Variants in ADPRHL1 observed in about 807,000 individuals in gnomAD.
The protein encoded by ADPRHL1 is ADP-ribosylhydrolase like 1.
A neutral mutation model predicts 44.1 loss-of-function variants in ADPRHL1; 43 were observed. The observed-to-expected ratio is 0.98, with a 90% confidence interval of 0.76 to 1.26. ADPRHL1 has a LOEUF of 1.26. Ranked by LOEUF, ADPRHL1 falls within the 50% of genes most tolerant of loss-of-function variation. The probability of loss-of-function intolerance (pLI) is 0.00; values close to 1 mark genes in which losing one functional copy is unlikely to be tolerated. For synonymous variants in ADPRHL1, 878 were observed against 1,017.4 expected, an observed-to-expected ratio of 0.86 and a Z score of 2.61; for missense variants, 2,022 against 2,496.9, an observed-to-expected ratio of 0.81 and a Z score of 4.05.
chr13:113,408,819 T>G (rs941898154), intron 7 of ADPRHL1, among the ~76,000 whole-genome samples: 1 of 64,156 alleles, frequency 1.6e-5, no homozygotes, highest in Admixed American at 1.5e-4. Flanking sequence ...AGCACTGCAG[T>G]GGGCAGTGCC....
Position 113,453,312 on chromosome 13 carries a change from G to T in ADPRHL1, c.126C>A (p.Gly42=). 1 of 1,614,168 alleles carries T rather than the reference G, an allele frequency of 6.2e-7. No homozygotes were observed. Among genetic ancestry groups the T allele is most frequent in the South Asian group, 1.1e-5 (1 of 91,076 alleles). Reference sequence around the variant, plus strand: ...CTGGCGAGAGTACGAGGTGGTCCAGGCCCCCGGAACGTTGCAGCTCCTCCT... The same window carrying T: ...CTGGCGAGAGTACGAGGTGGTCCAGTCCCCCGGAACGTTGCAGCTCCTCCT... ...KIQEELQRSG[G]LDHLVLSPGE... is the part of the protein sequence containing the mutation. Residue 42 remains glycine (G), a synonymous_variant, in exon 1 of 8, where the codon GGC becomes GGA. Coordinates refer to ENST00000612156, the MANE Select transcript of ADPRHL1 (RefSeq NM_001394807.1). This position sits in a 1 kb window ranked among gnomAD's most constrained non-coding sequence, Gnocchi z 5.4.
rs893113840 is a variant in ADPRHL1 at position 113,422,884 on chromosome 13, C to T, written c.1003G>A (p.Asp335Asn). The change falls in exon 7 of 8, where the codon GAC becomes AAC. Residue 335 changes from aspartate (D) to asparagine (N), a missense_variant. By Grantham distance (23) the Asp-to-Asn change is conservative. Coordinates refer to ENST00000612156, the MANE Select transcript of ADPRHL1 (RefSeq NM_001394807.1). Reference protein sequence around the residue: ...VPKGLYQDLEDKEKLEDLGAA... With the variant: ...VPKGLYQDLENKEKLEDLGAA... ...CCCAGGTCCTCCAGCTTCTCCTTGT[C>T]CTCCAGGTCCTGGTACAAGCCTTTG... The T allele has an allele frequency of 2.5e-6, 4 of 1,612,854 alleles. No individual in the cohort carries two copies. The African/African-American group carries it at 4.0e-5, about 16-fold the overall frequency.
intron 7 of ADPRHL1, among the ~76,000 whole-genome samples, chr13:113,416,998 T>C (rs1209958251): frequency 6.6e-6 from 1 of 152,180 alleles, no homozygotes; most frequent in African/African-American, 2.4e-5. Context: ...GTGGGAGTTG[T>C]CGGAGCTAGT....
At chr13:113,446,264 G>A (rs2044137238) in intron 1 of ADPRHL1, among the ~76,000 whole-genome samples, 1 of 150,688 alleles carries the variant, frequency 6.6e-6, no homozygotes, top group African/African-American at 2.4e-5. Flanking sequence ...CAGAGAGAGT[G>A]CACAGGGCCC....
intron 7 of ADPRHL1, among the ~76,000 whole-genome samples, chr13:113,408,954 A>G (rs543554799): frequency 5.8e-4 from 83 of 142,602 alleles, no homozygotes; most frequent in Admixed American, 1.5e-3. Context: ...GAGGTTGCAG[A>G]GAGGGAGGAA....
In ADPRHL1 at chr13:113,399,821, G is replaced by T. The variant is rs2043742886; in HGVS notation, c.*3557C>A. On this transcript the variant is annotated 3_prime_UTR_variant, in exon 8 of 8. Coordinates refer to ENST00000612156, the MANE Select transcript of ADPRHL1 (RefSeq NM_001394807.1). ...CAACCGAAAGACCGTAACTCCAACA[G>T]CAGAGATACCCTGAGAACAGAATAA... The T allele has an allele frequency of 1.3e-5, 2 of 151,970 alleles. No individual in the cohort carries two copies. Among genetic ancestry groups the T allele is most frequent in the Admixed American group, 1.3e-4 (2 of 15,232 alleles). 9.4% of individuals were successfully genotyped at this position (151,970 alleles called of 1,614,324 possible).
At chr13:113,414,994 C>T (rs963586264) in intron 7 of ADPRHL1, among the ~76,000 whole-genome samples, 2 of 152,094 alleles carry the variant, frequency 1.3e-5, no homozygotes, top group African/African-American at 4.8e-5. Flanking sequence ...GTTTTTATGG[C>T]TGCTTGTTCT....
Position 113,446,733 on chromosome 13 carries a change from G to A in ADPRHL1, c.215-2144C>T, listed in dbSNP as rs145518111. ...TATTGTCATAAATGCATAGCATTGCGCTGTGTAAACACAGGGTGTTTACAT... is the reference window on the plus strand; with the variant it reads ...TATTGTCATAAATGCATAGCATTGCACTGTGTAAACACAGGGTGTTTACAT... On this transcript the variant is annotated intron_variant, in intron 1 of 7. Transcript: ENST00000612156. 3.5e-3 allele frequency among the ~76,000 whole-genome samples: 534 copies of A among 152,058 alleles called. 6 individuals are homozygous for A. The highest frequency in any genetic ancestry group is 9.7e-3 in the Admixed American group (149 of 15,288).
intron 7 of ADPRHL1, among the ~76,000 whole-genome samples, chr13:113,415,886 G>C (rs1316920204): frequency 6.6e-6 from 1 of 151,500 alleles, no homozygotes; most frequent in African/African-American, 2.4e-5. Context: ...ATCTATACTT[G>C]ATCTTAGCCC....
chr13:113,447,848 A>G (rs1271969954), intron 1 of ADPRHL1, among the ~76,000 whole-genome samples: 5 of 152,192 alleles, frequency 3.3e-5, no homozygotes, highest in East Asian at 1.9e-4. Context: ...GTCTAAACCC[A>G]GTGTGTGCCC....
chr13:113,416,466 G>A (rs58023372), intron 7 of ADPRHL1, among the ~76,000 whole-genome samples: 24,407 of 152,026 alleles, frequency 0.16, 2,199 homozygotes, highest in African/African-American at 0.24. Flanking sequence ...GGCCATAAGC[G>A]CTGGATGCTC....
chr13:113,434,074 G>A (rs2044028018), intron 2 of ADPRHL1, among the ~76,000 whole-genome samples: 1 of 152,178 alleles, frequency 6.6e-6, no homozygotes, highest in Admixed American at 6.5e-5. Context: ...TCCAAGTGTC[G>A]GGTGTTAGTC....
At chr13:113,429,214 G>C (rs538371900) in intron 3 of ADPRHL1, 122 bp from the exon 4 acceptor site, 1 of 1,329,132 alleles carries the variant, frequency 7.5e-7, no homozygotes, top group Admixed American at 2.1e-5. Context: ...TCTTTCCCAT[G>C]TTCAGGTGCA....
In ADPRHL1 at chr13:113,441,746, G is replaced by A; in HGVS notation, c.379+2679C>T. On this transcript the variant is annotated intron_variant, in intron 2 of 7. Coordinates refer to ENST00000612156, the MANE Select transcript of ADPRHL1 (RefSeq NM_001394807.1). This position sits in a 1 kb window ranked among gnomAD's most constrained non-coding sequence, Gnocchi z 6.0. ...TATCATGCCATGTCCCGCCACTTGG[G>A]TCCGTGTCTCTATCATGCTCCGCCC... is the stretch of plus-strand genomic sequence containing the variant. 6.6e-6 allele frequency among the ~76,000 whole-genome samples: 1 copy of A among 151,792 alleles called. No individual in the cohort carries two copies. Among genetic ancestry groups the A allele is most frequent in the Non-Finnish European group, 1.5e-5 (1 of 67,940 alleles).
At chr13:113,430,586 C>T (rs1044472096) in intron 3 of ADPRHL1, among the ~76,000 whole-genome samples, 4 of 151,930 alleles carry the variant, frequency 2.6e-5, no homozygotes, top group Admixed American at 1.3e-4. Context: ...CAGTGGTTGT[C>T]GTACTAGTGA....
At chr13:113,427,996 T>C (rs529032703) in intron 4 of ADPRHL1, among the ~76,000 whole-genome samples, 1 of 152,342 alleles carries the variant, frequency 6.6e-6, no homozygotes, top group Admixed American at 6.5e-5. Context: ...CCAGGCGAGG[T>C]GGCTCATGCC....
chr13:113,419,397 C>T (rs980814024), intron 7 of ADPRHL1, among the ~76,000 whole-genome samples: 3 of 151,132 alleles, frequency 2.0e-5, no homozygotes, highest in Non-Finnish European at 2.9e-5. Flanking sequence ...GATTACAAGC[C>T]TGAGCCACCT....
intron 4 of ADPRHL1, among the ~76,000 whole-genome samples, chr13:113,425,397 GCTTT>G (rs1410862662): frequency 1.2e-4 from 19 of 152,256 alleles, no homozygotes; most frequent in Non-Finnish European, 2.4e-4. Context: ...ATTTGTAGCT[GCTTT>G]CTTTCTTTCT....
intron 3 of ADPRHL1, among the ~76,000 whole-genome samples, chr13:113,433,079 G>C (rs534441195): frequency 6.7e-6 from 1 of 149,508 alleles, no homozygotes; most frequent in Non-Finnish European, 1.5e-5. Flanking sequence ...CGGAAGTGCC[G>C]TGTTAAGGGG....
Sources: allele counts gnomAD v4.1 joint callset (sites outside exome capture counted in the v4.1 genomes callset), GRCh38; gene constraint gnomAD v4.1.1; non-coding constraint Gnocchi (gnomAD v3.1); transcripts MANE v1.5; gene names NCBI Gene and HGNC (gene_info 2026-07-23, HGNC 2026-07-21).